Variants in GPHN observed in about 807,000 individuals in gnomAD.
The protein encoded by GPHN is gephyrin.
A neutral mutation model predicts 95.5 loss-of-function variants in GPHN; 17 were observed. The ratio of observed to expected loss-of-function variants is 0.18; its 90% CI spans 0.12 to 0.27. The LOEUF (loss-of-function observed/expected upper bound fraction) is 0.27. Among genes scored for constraint, GPHN ranks in the 10% least tolerant of loss-of-function variants. The probability of loss-of-function intolerance (pLI) is 1.00; values close to 1 mark genes in which losing one functional copy is unlikely to be tolerated. For synonymous variants in GPHN, 320 were observed against 322.5 expected (o/e 0.99, Z 0.08); for missense variants, 660 against 978.1 (o/e 0.67, Z 4.34).
At chr14:67,413,970 T>C in the GPHN span, among the ~76,000 whole-genome samples, 2 of 152,360 alleles carry the variant, frequency 1.3e-5, no homozygotes, top group East Asian at 3.9e-4. Flanking sequence ...TTGCAAATAC[T>C]CTTGCCTCCT....
At chr14:67,502,610 G>A in the GPHN span, among the ~76,000 whole-genome samples, 6 of 151,490 alleles carry the variant, frequency 4.0e-5, no homozygotes, top group Non-Finnish European at 7.4e-5. Flanking sequence ...GTGCCACCAC[G>A]CCTGGCTAAT....
the GPHN span, chr14:67,301,344 A>T: frequency 7.5e-7 from 1 of 1,329,172 alleles, no homozygotes; most frequent in Non-Finnish European, 1.1e-6. Flanking sequence ...TGCTACTGAT[A>T]CTTCCTATAA....
chr14:66,696,019 A>C (rs1376826573), intron 2 of GPHN, among the ~76,000 whole-genome samples: 1 of 152,162 alleles, frequency 6.6e-6, no homozygotes, highest in East Asian at 1.9e-4. Flanking sequence ...GGTGATAATG[A>C]TGTGTCAGTG....
chr14:66,926,818 A>G (rs2066506688), intron 8 of GPHN, among the ~76,000 whole-genome samples: 1 of 152,312 alleles, frequency 6.6e-6, no homozygotes, highest in African/African-American at 2.4e-5. Context: ...CATTGAGTCC[A>G]TAGATTGCTT....
At chr14:67,376,221 G>C in the GPHN span, among the ~76,000 whole-genome samples, 1 of 152,190 alleles carries the variant, frequency 6.6e-6, no homozygotes, top group African/African-American at 2.4e-5. Flanking sequence ...AACAAGTTCA[G>C]AGATACTGTG....
the GPHN span, chr14:67,292,580 A>G: frequency 2.5e-6 from 4 of 1,613,566 alleles, no homozygotes; most frequent in Non-Finnish European, 3.4e-6. Context: ...AGCCAGGAGG[A>G]TATTTCACTG....
At chr14:67,349,233 G>C in the GPHN span, 1 of 900,886 alleles carries the variant, frequency 1.1e-6, no homozygotes, top group Non-Finnish European at 1.7e-6. Context: ...TTTGATAACT[G>C]TCCTTTTTCC....
At chr14:66,580,512 C>T (rs1228423618) in intron 1 of GPHN, among the ~76,000 whole-genome samples, 1 of 151,638 alleles carries the variant, frequency 6.6e-6, no homozygotes, top group Non-Finnish European at 1.5e-5. Context: ...GGAGACATTA[C>T]ATCTTATATC....
At chr14:67,733,036 G>A in the GPHN span, among the ~76,000 whole-genome samples, 9 of 152,168 alleles carry the variant, frequency 5.9e-5, no homozygotes, top group African/African-American at 1.9e-4. Flanking sequence ...ACGAGTTCAT[G>A]GGTGCAGCAC....
intron 2 of GPHN, among the ~76,000 whole-genome samples, chr14:66,723,146 G>A (rs1232826766): frequency 1.3e-5 from 2 of 151,732 alleles, no homozygotes; most frequent in African/African-American, 2.4e-5. Context: ...TTGCACTGCT[G>A]GGCTTAAGCA....
intron 3 of GPHN, among the ~76,000 whole-genome samples, chr14:66,798,595 A>T (rs773978074): frequency 6.3e-4 from 95 of 151,828 alleles, no homozygotes; most frequent in Admixed American, 1.6e-3. Flanking sequence ...ATTTATTGGG[A>T]TACAGTTGCT....
intron 4 of GPHN, among the ~76,000 whole-genome samples, chr14:66,840,803 G>A (rs1414135314): frequency 1.3e-5 from 2 of 149,730 alleles, no homozygotes; most frequent in Non-Finnish European, 2.9e-5. Context: ...GCCAACCCCT[G>A]TTTTAGAACA....
chr14:67,281,820 T>C, the GPHN span, among the ~76,000 whole-genome samples: 2 of 152,062 alleles, frequency 1.3e-5, no homozygotes, highest in African/African-American at 4.8e-5. Flanking sequence ...ATTTTTTTTT[T>C]TTGCTTTTTC....
chr14:67,529,096 T>A, the GPHN span, among the ~76,000 whole-genome samples: 1 of 152,102 alleles, frequency 6.6e-6, no homozygotes, highest in African/African-American at 2.4e-5. Context: ...TTCATAATAT[T>A]TACTAGATTC....
chr14:66,878,274 A>G (rs1322605047), intron 4 of GPHN, among the ~76,000 whole-genome samples: 3 of 152,212 alleles, frequency 2.0e-5, no homozygotes, highest in African/African-American at 7.2e-5. Context: ...TAAAAACCCT[A>G]GAAGAAAACA....
the GPHN span, among the ~76,000 whole-genome samples, chr14:67,666,550 A>T: frequency 6.6e-6 from 1 of 152,256 alleles, no homozygotes; most frequent in African/African-American, 2.4e-5. Flanking sequence ...TGATAAAGCC[A>T]GGGAGGCAGA....
chr14:67,155,552 T>A (rs1485345416), intron 18 of GPHN, among the ~76,000 whole-genome samples: 1 of 152,194 alleles, frequency 6.6e-6, no homozygotes, highest in African/African-American at 2.4e-5. Flanking sequence ...GAAATTTCAC[T>A]AGAAAACTGG....
At chr14:66,729,401 C>G (rs938624223) in intron 2 of GPHN, among the ~76,000 whole-genome samples, 2 of 152,120 alleles carry the variant, frequency 1.3e-5, no homozygotes, top group Non-Finnish European at 2.9e-5. Flanking sequence ...GAACGAAGAT[C>G]TAGTTTGTGT....
At chr14:66,953,894 G>A (rs1567144675) in intron 8 of GPHN, among the ~76,000 whole-genome samples, 1 of 152,142 alleles carries the variant, frequency 6.6e-6, no homozygotes, top group African/African-American at 2.4e-5. Context: ...AATTAGCTGG[G>A]CATAGTGGTG....
Sources: gnomAD v4.1 joint callset for allele counts (sites outside exome capture counted in the v4.1 genomes callset) on GRCh38, gnomAD v4.1.1 for gene constraint, MANE v1.5 for transcripts, NCBI Gene and HGNC (gene_info 2026-07-23, HGNC 2026-07-21) for gene names.